Variants in NFATC2 observed in about 807,000 individuals in gnomAD.
NFATC2 encodes nuclear factor of activated T-cells, cytoplasmic 2.
In NFATC2, 22 loss-of-function variants were observed where a neutral mutation model predicts 87.3. The ratio of observed to expected loss-of-function variants is 0.25; its 90% CI spans 0.18 to 0.36. The LOEUF (loss-of-function observed/expected upper bound fraction) is 0.36. Among genes scored for constraint, NFATC2 ranks in the 10% least tolerant of loss-of-function variants. NFATC2 has a pLI of 1.00. For missense variants in NFATC2, 1,149 were observed against 1,259.1 expected (o/e 0.91, Z 1.32); for synonymous variants, 565 against 542.2 (o/e 1.04, Z -0.58).
chr20:51,391,006 C>G lies in NFATC2; in HGVS notation c.*490G>C, dbSNP rs1178550087. 4 of 344,618 alleles carry G rather than the reference C, an allele frequency of 1.2e-5. No individual in the cohort carries two copies. Among genetic ancestry groups the G allele is most frequent in the Non-Finnish European group, 2.3e-5 (4 of 176,232 alleles). 21.3% of individuals were successfully genotyped at this position (344,618 alleles called of 1,614,324 possible). ...TATCTGTGACCTGGAAAAACGAACG[C>G]AAGGGCTGGGGTTTAATCACAGTGC... On this transcript the variant is annotated 3_prime_UTR_variant, in exon 11 of 11. Coordinates refer to ENST00000371564, the MANE Select transcript of NFATC2 (RefSeq NM_012340.5).
chr20:51,415,550 C>T (rs1025372842), intron 9 of NFATC2, among the ~76,000 whole-genome samples: 10 of 152,218 alleles, frequency 6.6e-5, no homozygotes, highest in Non-Finnish European at 1.5e-4. Context: ...TGCCAGAGAA[C>T]ACTGTGCAGG....
At chr20:51,531,267 C>A (rs762167080) in intron 1 of NFATC2, among the ~76,000 whole-genome samples, 1 of 152,238 alleles carries the variant, frequency 6.6e-6, no homozygotes, top group Non-Finnish European at 1.5e-5. Context: ...CTGCTGGAAG[C>A]ATCAACTCAT....
intron 1 of NFATC2, among the ~76,000 whole-genome samples, chr20:51,559,391 A>C (rs2077003568): frequency 6.6e-6 from 1 of 152,240 alleles, no homozygotes; most frequent in Admixed American, 6.5e-5. Context: ...TATTGGGGAA[A>C]GATCCCAGAA....
chr20:51,533,015 G>A (rs112133375), intron 1 of NFATC2, among the ~76,000 whole-genome samples: 6,268 of 152,326 alleles, frequency 0.041, 180 homozygotes, highest in Middle Eastern at 0.078. Flanking sequence ...CCCCGATGCC[G>A]AGGTGGCGTG....
chr20:51,561,484 A>AAGCAAGC (rs2077029826), intron 1 of NFATC2, among the ~76,000 whole-genome samples: 93 of 90,050 alleles, frequency 1.0e-3, no homozygotes, highest in Middle Eastern at 0.012. Flanking sequence ...AGAAAGAAAG[A>AAGCAAGC]AAGCAAGCAA....
At chr20:51,409,119 G>A (rs554144842) in intron 9 of NFATC2, among the ~76,000 whole-genome samples, 1 of 152,356 alleles carries the variant, frequency 6.6e-6, no homozygotes, top group South Asian at 2.1e-4. Flanking sequence ...AATTACATAT[G>A]TGTTGCTGAT....
chr20:51,562,736 C>G (rs2077043430), upstream of NFATC2: 1 of 1,160,360 alleles, frequency 8.6e-7, no homozygotes, highest in Admixed American at 2.1e-5. This position sits in a 1 kb window ranked among gnomAD's most constrained non-coding sequence, Gnocchi z 5.8. Flanking sequence ...CGGGGCTGCC[C>G]TGGCCGAGGA....
chr20:51,444,276 C>T (rs1446249876), intron 6 of NFATC2, among the ~76,000 whole-genome samples: 1 of 151,962 alleles, frequency 6.6e-6, no homozygotes, highest in African/African-American at 2.4e-5. Context: ...GCCACCACGC[C>T]CACCTGACAT....
chr20:51,398,675 A>G lies in NFATC2; in HGVS notation c.*12T>C, dbSNP rs1480493012. The G allele has an allele frequency of 9.9e-6, 16 of 1,612,754 alleles. No homozygotes were observed. The highest frequency in any genetic ancestry group is 1.4e-5 in the Non-Finnish European group (16 of 1,179,302). ...TTTGATTTCTCGGATCAAAGATCAC[A>G]GTCATTCTGTTTCATAATATGTTTT... On this transcript the variant is annotated 3_prime_UTR_variant, in exon 10 of 11. Transcript: ENST00000371564.
chr20:51,487,972 G>A (rs1989859712), intron 3 of NFATC2, among the ~76,000 whole-genome samples: 1 of 152,086 alleles, frequency 6.6e-6, no homozygotes, highest in Admixed American at 6.5e-5. Flanking sequence ...GGGCTCTGTC[G>A]GTGACCTGGG....
intron 1 of NFATC2, among the ~76,000 whole-genome samples, chr20:51,552,855 G>A (rs906280462): frequency 6.6e-6 from 1 of 151,976 alleles, no homozygotes; most frequent in African/African-American, 2.4e-5. Flanking sequence ...TGCAGGACGT[G>A]CAGGTTTGTT....
At chr20:51,553,536 A>G (rs941775826) in intron 1 of NFATC2, among the ~76,000 whole-genome samples, 1 of 151,982 alleles carries the variant, frequency 6.6e-6, no homozygotes. Context: ...TTAGCCGGGC[A>G]TGGTGGCAGG....
chr20:51,451,414 TG>T (rs942767373), intron 6 of NFATC2, among the ~76,000 whole-genome samples: 8 of 152,256 alleles, frequency 5.3e-5, no homozygotes, highest in African/African-American at 1.7e-4. Flanking sequence ...GAGACATTTT[TG>T]GTTGTCACAA....
chr20:51,398,617 AAGG>A, intron 10 of NFATC2, 23 bp downstream of exon 10: 1 of 1,524,760 alleles, frequency 6.6e-7, no homozygotes, highest in Non-Finnish European at 8.9e-7. Flanking sequence ...TGGAAAACAA[AAGG>A]AGAAGCAGAA....
rs951530704 is a variant in NFATC2 at position 51,391,109 on chromosome 20, T to C, written c.*387A>G. 8 of 554,190 alleles carry C rather than the reference T, an allele frequency of 1.4e-5. No individual in the cohort carries two copies. The highest frequency in any genetic ancestry group is 2.7e-5 in the Non-Finnish European group (8 of 295,598). The allele number at this position is 554,190 out of a possible 1,614,324, so 34.3% of individuals were successfully genotyped here. A position where few individuals can be genotyped will look rare whatever the true frequency, so the allele number is the denominator to read the frequency against. The stretch of plus-strand genomic sequence containing the variant: ...AGGAGAGTTCCAGTGTCCTGTCTCA[T>C]GTAGAATGTGCTTTTGGTCAGCAGG... On this transcript the variant is annotated 3_prime_UTR_variant, in exon 11 of 11. Coordinates refer to ENST00000371564, the MANE Select transcript of NFATC2 (RefSeq NM_012340.5).
chr20:51,504,999 CTTTTTTTTTTTTTTTT>C (rs34489487), intron 3 of NFATC2, among the ~76,000 whole-genome samples: 12 of 72,504 alleles, frequency 1.7e-4, no homozygotes, highest in African/African-American at 3.2e-4. Context: ...TATCTAGTTC[CTTTTTTTTTTTTTTTT>C]TTTTTTTTTT....
At position 51,524,052 on chromosome 20, in the gene NFATC2, A is replaced by C; in HGVS notation, c.189T>G (p.Asp63Glu). Residue 63 changes from aspartate to glutamate, a missense_variant, in exon 2 of 11, where the codon GAT becomes GAG. By Grantham distance (45) the Asp-to-Glu change is conservative (BLOSUM62 2). Around this residue, in one of 3 missense-constraint regions of NFATC2, gnomAD observed 563 missense variants for 585.2 expected, o/e 0.96. Transcript: ENST00000371564. This position sits in a 1 kb window ranked among gnomAD's most constrained non-coding sequence, Gnocchi z 4.0. ...SPPSGPAYPD[D>E]VLDYGLKPYS... ...ATGGCTTGAGGCCATAGTCCAGGAC[A>C]TCATCGGGGTATGCGGGTCCGGAGG... 1 of 1,515,466 alleles carries C rather than the reference A, an allele frequency of 6.6e-7. No individual in the cohort carries two copies. Among genetic ancestry groups the C allele is most frequent in the Non-Finnish European group, 8.8e-7 (1 of 1,134,982 alleles). The allele number at this position is 1,515,466 out of a possible 1,614,324, so 93.9% of individuals were successfully genotyped here.
intron 1 of NFATC2, among the ~76,000 whole-genome samples, chr20:51,538,467 C>T (rs2076756060): frequency 4.6e-5 from 7 of 152,120 alleles, no homozygotes; most frequent in Admixed American, 4.6e-4. Flanking sequence ...AGTCCTCCTC[C>T]AAGGCAAGGA....
chr20:51,465,706 T>C (rs1457660361), intron 5 of NFATC2, among the ~76,000 whole-genome samples: 3 of 152,016 alleles, frequency 2.0e-5, no homozygotes, highest in African/African-American at 4.8e-5. Flanking sequence ...CCTACCAACA[T>C]GGTGATGTTG....
Sources: gnomAD v4.1 joint callset for allele counts (sites outside exome capture counted in the v4.1 genomes callset) on GRCh38, gnomAD v4.1.1 for gene constraint, gnomAD v4.1.1 regional missense constraint, Gnocchi (gnomAD v3.1) non-coding constraint, MANE v1.5 for transcripts, NCBI Gene and HGNC (gene_info 2026-07-23, HGNC 2026-07-21) for gene names.